Variants in CLYBL observed in about 807,000 individuals in gnomAD.
CLYBL encodes citramalyl-CoA lyase, mitochondrial.
CLYBL carries 31 observed loss-of-function variants against 38.9 expected under a neutral mutation model. The observed-to-expected ratio is 0.80, with a 90% CI of 0.60 to 1.08. The LOEUF is 1.08. Among genes scored for constraint, CLYBL ranks in the 50% least tolerant of loss-of-function variants. The pLI, the probability that CLYBL is intolerant of heterozygous loss-of-function variation, is 0.00. For missense variants in CLYBL, 434 were observed against 411.6 expected (o/e 1.05, Z -0.47); for synonymous variants, 171 against 158.6 (o/e 1.08, Z -0.59).
intron 1 of CLYBL, among the ~76,000 whole-genome samples, chr13:99,743,970 T>C (rs868393623): frequency 3.0e-4 from 40 of 135,008 alleles, no homozygotes; most frequent in African/African-American, 8.4e-4. Flanking sequence ...TTCTTTCTTT[T>C]TTTTTTTTTT....
chr13:99,852,344 TCCTCCCACTGCAG>T (rs2051352662), intron 2 of CLYBL, among the ~76,000 whole-genome samples: 1 of 152,136 alleles, frequency 6.6e-6, no homozygotes, highest in Admixed American at 6.5e-5. Flanking sequence ...GCTCAAGTGA[TCCTCCCACTGCAG>T]CCTCCCAAGC....
chr13:99,882,449 G>A (rs1380483283), intron 7 of CLYBL, among the ~76,000 whole-genome samples: 1 of 152,130 alleles, frequency 6.6e-6, no homozygotes, highest in Non-Finnish European at 1.5e-5. Flanking sequence ...GAGATCAGGA[G>A]ATCAAGACCA....
At chr13:99,725,253 G>A (rs1006253819) in intron 1 of CLYBL, among the ~76,000 whole-genome samples, 6 of 152,166 alleles carry the variant, frequency 3.9e-5, no homozygotes, top group Non-Finnish European at 7.3e-5. Flanking sequence ...AGAGAAGACC[G>A]AACAGTAAGA....
chr13:99,614,403 A>C (rs1194564891), intron 1 of CLYBL, among the ~76,000 whole-genome samples: 5 of 152,156 alleles, frequency 3.3e-5, no homozygotes, highest in Admixed American at 3.3e-4. Flanking sequence ...CATCATGCAG[A>C]CCAGGAGTAG....
At chr13:99,751,772 G>T (rs1309593069) in intron 1 of CLYBL, among the ~76,000 whole-genome samples, 1 of 152,162 alleles carries the variant, frequency 6.6e-6, no homozygotes, top group South Asian at 2.1e-4. Flanking sequence ...AATGTACTCA[G>T]TGTCACTGAA....
intron 1 of CLYBL, among the ~76,000 whole-genome samples, chr13:99,607,941 G>A (rs141256161): frequency 6.6e-6 from 1 of 151,744 alleles, no homozygotes; most frequent in Non-Finnish European, 1.5e-5. Context: ...ACAGAGTTTC[G>A]CCATGTTGGC....
At chr13:99,657,825 A>T (rs1030328503) in intron 1 of CLYBL, among the ~76,000 whole-genome samples, 1 of 152,224 alleles carries the variant, frequency 6.6e-6, no homozygotes, top group Non-Finnish European at 1.5e-5. Flanking sequence ...TGAGTGAATT[A>T]AGCAGCTCTG....
At chr13:99,798,653 AAAC>A (rs1409058445) in intron 2 of CLYBL, among the ~76,000 whole-genome samples, 1 of 152,230 alleles carries the variant, frequency 6.6e-6, no homozygotes, top group East Asian at 1.9e-4. Flanking sequence ...TACCGTATGT[AAAC>A]AACATTTGTT....
At chr13:99,699,908 C>T (rs1032017427) in intron 1 of CLYBL, among the ~76,000 whole-genome samples, 4 of 151,940 alleles carry the variant, frequency 2.6e-5, no homozygotes, top group Admixed American at 2.6e-4. Flanking sequence ...AGGAGAATGG[C>T]GTGAACCACG....
chr13:99,841,812 C>CTT (rs67827288), intron 2 of CLYBL, among the ~76,000 whole-genome samples: 17 of 105,398 alleles, frequency 1.6e-4, no homozygotes, highest in South Asian at 5.6e-4. Context: ...TTTTCTTTTC[C>CTT]TTTTTTTTTT....
At chr13:99,684,186 A>AT (rs965852345) in intron 1 of CLYBL, among the ~76,000 whole-genome samples, 14,006 of 107,986 alleles carry the variant, frequency 0.13, 1,756 homozygotes, top group African/African-American at 0.29. Context: ...GGCATGTTTG[A>AT]TTTTTTTTTT....
intron 7 of CLYBL, among the ~76,000 whole-genome samples, chr13:99,880,068 A>ATATATATATATT (rs34063235): frequency 7.2e-4 from 73 of 101,176 alleles, no homozygotes; most frequent in African/African-American, 2.4e-3. Flanking sequence ...ATATATATAT[A>ATATATATATATT]TTTTTTTTTT....
chr13:99,809,577 C>T (rs1431467947), intron 2 of CLYBL, among the ~76,000 whole-genome samples: 2 of 152,236 alleles, frequency 1.3e-5, no homozygotes, highest in Non-Finnish European at 1.5e-5. Context: ...GGCACCTTTC[C>T]CCTCATGGGG....
chr13:99,615,693 A>G (rs2046698089), intron 1 of CLYBL, among the ~76,000 whole-genome samples: 1 of 152,204 alleles, frequency 6.6e-6, no homozygotes, highest in African/African-American at 2.4e-5. Context: ...TGAATGTGTT[A>G]TAGCGTATCA....
chr13:99,895,295 T>G (rs898293760), downstream of CLYBL: 1 of 152,252 alleles, frequency 6.6e-6, no homozygotes, highest in African/African-American at 2.4e-5. Flanking sequence ...TCGGTTTACC[T>G]TGGAAAACTG....
In CLYBL at chr13:99,772,774, A is replaced by G. The variant is rs747021293; in HGVS notation, c.63-50A>G. 1.1e-4 allele frequency: 156 copies of G among 1,403,652 alleles called. 1 individual carries two copies. The highest frequency in any genetic ancestry group is 1.5e-4 in the Non-Finnish European group (153 of 1,028,530). The allele number at this position is 1,403,652 out of a possible 1,614,324, so 86.9% of individuals were successfully genotyped here. A position where few individuals can be genotyped will look rare whatever the true frequency, so the allele number is the denominator to read the frequency against. ...TTAAAATATAGTTTTTCACAAGTTTATAAATACAGAAATCTCATTCTGGAC... is the reference window on the plus strand; with the variant it reads ...TTAAAATATAGTTTTTCACAAGTTTGTAAATACAGAAATCTCATTCTGGAC... On this transcript the variant is annotated intron_variant, in intron 1 of 8. Coordinates refer to ENST00000339105, the MANE Select transcript of CLYBL (RefSeq NM_206808.5).
intron 1 of CLYBL, among the ~76,000 whole-genome samples, chr13:99,682,258 C>T (rs1288801906): frequency 6.6e-6 from 1 of 152,048 alleles, no homozygotes; most frequent in African/African-American, 2.4e-5. Flanking sequence ...ATTCTCCTGC[C>T]TCAGCCTCCT....
intron 1 of CLYBL, among the ~76,000 whole-genome samples, chr13:99,625,024 C>T (rs1438260739): frequency 6.6e-6 from 1 of 152,220 alleles, no homozygotes. Flanking sequence ...AGTGTGGACT[C>T]ATAGGCTCAG....
chr13:99,838,721 C>T (rs919006851), intron 2 of CLYBL, among the ~76,000 whole-genome samples: 4 of 152,116 alleles, frequency 2.6e-5, no homozygotes, highest in Admixed American at 6.5e-5. Context: ...CTGCAAGCTC[C>T]GCCTCCCAGG....
Sources: gnomAD v4.1 joint callset for allele counts (sites outside exome capture counted in the v4.1 genomes callset) on GRCh38, gnomAD v4.1.1 for gene constraint, MANE v1.5 for transcripts, NCBI Gene and HGNC (gene_info 2026-07-23, HGNC 2026-07-21) for gene names.